IARS1: variants seen among roughly 807,000 people sequenced by gnomAD.
IARS1 encodes isoleucyl-tRNA synthetase 1, also known as isoleucine--tRNA ligase, cytoplasmic.
Under a neutral mutation model 168.2 loss-of-function variants are expected in IARS1, and 124 were observed. That is an observed-to-expected ratio of 0.74 (90% CI 0.64 to 0.86). The LOEUF (loss-of-function observed/expected upper bound fraction) is 0.86, where lower values mean the gene tolerates loss of function less well. Ranked by LOEUF, IARS1 falls within the 40% of genes least tolerant of loss-of-function variation. The probability of loss-of-function intolerance (pLI) is 0.00; values close to 1 mark genes in which losing one functional copy is unlikely to be tolerated. For synonymous variants in IARS1, 532 were observed against 529.4 expected, an observed-to-expected ratio of 1.00 and a Z score of -0.07; for missense variants, 1,452 against 1,515.8, an observed-to-expected ratio of 0.96 and a Z score of 0.70.
intron 1 of IARS1, among the ~76,000 whole-genome samples, chr9:92,292,181 C>CTT (rs57075703): frequency 2.5e-4 from 30 of 118,050 alleles, no homozygotes; most frequent in Non-Finnish European, 3.9e-4. Context: ...CCACACTCAG[C>CTT]TTTTTTTTTT....
At chr9:92,247,919 A>T (rs1013127260) in intron 25 of IARS1, among the ~76,000 whole-genome samples, 3 of 152,218 alleles carry the variant, frequency 2.0e-5, no homozygotes, top group Admixed American at 6.5e-5. Context: ...TTGAGGGGAA[A>T]ATGGTTTGTG....
At chr9:92,266,428 A>G (rs1027016876) in intron 14 of IARS1, among the ~76,000 whole-genome samples, 2 of 152,244 alleles carry the variant, frequency 1.3e-5, no homozygotes, top group Non-Finnish European at 2.9e-5. Flanking sequence ...CAGCTAGGCT[A>G]TATGGTGGAG....
intron 30 of IARS1, among the ~76,000 whole-genome samples, chr9:92,235,240 C>T (rs150597965): frequency 1.2e-3 from 185 of 152,312 alleles, no homozygotes; most frequent in African/African-American, 4.1e-3. Context: ...CCGTGGTCCA[C>T]TGGCTAGAAC....
chr9:92,262,755 C>T (rs1185348708), intron 17 of IARS1, among the ~76,000 whole-genome samples: 1 of 152,162 alleles, frequency 6.6e-6, no homozygotes, highest in Admixed American at 6.5e-5. Flanking sequence ...CTAGTAATAT[C>T]ACTAGTAGCA....
intron 17 of IARS1, 136 bp from the exon 18 acceptor site, chr9:92,260,370 A>C (rs1018193369): frequency 2.9e-6 from 2 of 699,100 alleles, no homozygotes; most frequent in Non-Finnish European, 5.2e-6. Flanking sequence ...AGTTAGTGCT[A>C]ATAGGCCGGG....
At position 92,289,546 on chromosome 9, in the gene IARS1, G is replaced by A. The variant is rs543532309; in HGVS notation, c.-7-120C>T. ...ACTTTTAAAAAATTACAGCTTTATT[G>A]ATGTACAATTTACATAGTGTAATGT... On this transcript the variant is annotated intron_variant, in intron 1 of 33. Coordinates refer to ENST00000443024, the MANE Select transcript of IARS1 (RefSeq NM_002161.6). 43 of 636,880 alleles carry A rather than the reference G, an allele frequency of 6.8e-5. 1 individual carries two copies. In the South Asian group the frequency reaches 7.0e-4, roughly 10 times the overall value. The allele number at this position is 636,880 out of a possible 1,614,324, so 39.5% of individuals were successfully genotyped here.
intron 33 of IARS1, among the ~76,000 whole-genome samples, chr9:92,216,481 T>C (rs1480510095): frequency 1.4e-4 from 18 of 132,040 alleles, no homozygotes; most frequent in South Asian, 3.1e-4. Flanking sequence ...GACTGGCAAA[T>C]TGGATAAAGA....
At position 92,288,403 on chromosome 9, in the gene IARS1, C is replaced by T. The variant is rs188406777; in HGVS notation, c.120-121G>A. The T allele has an allele frequency of 4.0e-4, 319 of 796,352 alleles. 2 individuals carry two copies. The African/African-American group carries it at 4.5e-3, about 11-fold the overall frequency. The allele number at this position is 796,352 out of a possible 1,614,324, so 49.3% of individuals were successfully genotyped here. ...GAGAAAAGCAGCAAGATCAGGAAACCGACAGACATAATTGATTTGATATTT... is the reference window on the plus strand; with the variant it reads ...GAGAAAAGCAGCAAGATCAGGAAACTGACAGACATAATTGATTTGATATTT... On this transcript the variant is annotated intron_variant, in intron 2 of 33. Transcript: ENST00000443024.
chr9:92,222,812 T>G (rs1839864181), intron 32 of IARS1, 140 bp from the exon 33 acceptor site: 1 of 637,824 alleles, frequency 1.6e-6, no homozygotes, highest in Admixed American at 3.0e-5. Flanking sequence ...CCGCTGAAGA[T>G]GCAGTCCATG....
intron 26 of IARS1, among the ~76,000 whole-genome samples, chr9:92,246,190 CTT>C (rs754349941): frequency 1.1e-4 from 16 of 152,102 alleles, no homozygotes; most frequent in Non-Finnish European, 2.4e-4. Context: ...TTAGTAATAA[CTT>C]GAGGTTTAGC....
rs1306971771 is a variant in IARS1 at position 92,269,969 on chromosome 9, A to G, written c.1220T>C (p.Leu407Pro). The G allele has an allele frequency of 6.2e-7, 1 of 1,612,956 alleles. No individual in the cohort carries two copies. Residue 407 changes from leucine to proline, a missense_variant, in exon 13 of 34, where the codon CTA (leucine) becomes CCA (proline). Leu to Pro is a moderately conservative substitution (Grantham distance 98, BLOSUM62 -3). Transcript: ENST00000443024. The part of the protein sequence containing the change: ...YPFCWRSDTP[L>P]IYKAVPSWFV... ...CCAGCTGGGCACTGCTTTGTAAATT[A>G]GAGGAGTGTCTGATCTGGGGAAGCA...
rs376399969 is a variant in IARS1 at position 92,259,646 on chromosome 9, C to G, written c.1871+505G>C. 1.2e-4 allele frequency among the ~76,000 whole-genome samples: 18 copies of G among 152,156 alleles called. No individual in the cohort carries two copies. The East Asian group carries it at 2.7e-3, about 23-fold the overall frequency. On this transcript the variant is annotated intron_variant, in intron 18 of 33. Coordinates refer to ENST00000443024, the MANE Select transcript of IARS1 (RefSeq NM_002161.6). ...ATGCCTAGGACACAGGGATGCTGAA[C>G]AAGATCTCTAGGTCCCTTTCAACTT...
chr9:92,262,908 C>G, intron 17 of IARS1, 61 bp downstream of exon 17: 1 of 1,235,174 alleles, frequency 8.1e-7, no homozygotes, highest in Non-Finnish European at 1.2e-6. Flanking sequence ...CTCTCACGCA[C>G]TCCTTCTTAA....
intron 20 of IARS1, among the ~76,000 whole-genome samples, chr9:92,254,957 T>C (rs901114293): frequency 6.6e-6 from 1 of 152,194 alleles, no homozygotes; most frequent in African/African-American, 2.4e-5. Context: ...CAGGAGGTCA[T>C]GGCAGCTGGT....
intron 20 of IARS1, among the ~76,000 whole-genome samples, chr9:92,255,230 G>T (rs1355043940): frequency 6.6e-6 from 1 of 152,334 alleles, no homozygotes; most frequent in African/African-American, 2.4e-5. Context: ...TGTGCTAAAT[G>T]GGGCAGCAGC....
intron 30 of IARS1, among the ~76,000 whole-genome samples, chr9:92,232,042 C>T (rs1422005329): frequency 1.3e-5 from 2 of 152,158 alleles, no homozygotes; most frequent in African/African-American, 4.8e-5. Context: ...CATTACTTCA[C>T]GTTTTTCGAG....
rs1391929724 is a variant in IARS1, at chr9:92,253,563, C to T, written c.2138-110G>A. 4 of 698,482 alleles carry T rather than the reference C, an allele frequency of 5.7e-6. No homozygotes were observed. The highest frequency in any genetic ancestry group is 1.0e-5 in the Non-Finnish European group (4 of 387,720). 43.3% of individuals were successfully genotyped at this position (698,482 alleles called of 1,614,324 possible). A position where few individuals can be genotyped will look rare whatever the true frequency, so the allele number is the denominator to read the frequency against. On this transcript the variant is annotated intron_variant, in intron 20 of 33. Coordinates refer to ENST00000443024, the MANE Select transcript of IARS1 (RefSeq NM_002161.6). ...GCAGCTCCTTCCATCCAAGTGCCTC[C>T]ACTTACTAAGGAGAAAAGAACCAAA...
At chr9:92,222,940 G>A (rs1388029484) in intron 32 of IARS1, among the ~76,000 whole-genome samples, 1 of 151,904 alleles carries the variant, frequency 6.6e-6, no homozygotes, top group Non-Finnish European at 1.5e-5. Flanking sequence ...GTGAAGTGAG[G>A]AGCCCGAAGA....
At chr9:92,242,537 T>C (rs535582751) in intron 28 of IARS1, 14 of 545,168 alleles carry the variant, frequency 2.6e-5, no homozygotes, top group Admixed American at 3.5e-5. Context: ...CTTTGGGGGA[T>C]AGGGCATGTT....
Sources: allele counts gnomAD v4.1 joint callset (sites outside exome capture counted in the v4.1 genomes callset), GRCh38; gene constraint gnomAD v4.1.1; transcripts MANE v1.5; gene names NCBI Gene and HGNC (gene_info 2026-07-23, HGNC 2026-07-21).